Variants in R3HDM1 observed in about 807,000 individuals in gnomAD.
R3HDM1 encodes the protein R3H domain containing 1.
R3HDM1 carries 46 observed loss-of-function variants against 141.1 expected under a neutral mutation model. That is an observed-to-expected ratio of 0.33 (90% CI 0.26 to 0.42). The LOEUF (loss-of-function observed/expected upper bound fraction) is 0.42. R3HDM1 is among the 10% of genes least tolerant of loss of function. The pLI is 1.00. For synonymous variants in R3HDM1, 435 were observed against 472.9 expected, an observed-to-expected ratio of 0.92 and a Z score of 1.04; for missense variants, 1,184 against 1,368.3, an observed-to-expected ratio of 0.87 and a Z score of 2.12.
At chr2:135,563,732 T>C (rs1702219902) in intron 1 of R3HDM1, among the ~76,000 whole-genome samples, 1 of 152,188 alleles carries the variant, frequency 6.6e-6, no homozygotes, top group South Asian at 2.1e-4. Context: ...CTTAATTTTT[T>C]TGTGGTTACA....
chr2:135,550,072 G>T, intron 1 of R3HDM1: 1 of 984,570 alleles, frequency 1.0e-6, no homozygotes, highest in Non-Finnish European at 1.2e-6. Flanking sequence ...TCATGATCTG[G>T]AATGTCTTTT....
rs895637638 is a variant in R3HDM1, at chr2:135,617,468, G to C, written c.303+711G>C. Among the ~76,000 whole-genome samples the C allele has an allele frequency of 4.0e-5, 6 of 151,888 alleles. No individual in the cohort carries two copies. The East Asian group carries it at 1.2e-3, about 29-fold the overall frequency. On this transcript the variant is annotated intron_variant, in intron 5 of 26. Coordinates refer to ENST00000683871, the MANE Select transcript of R3HDM1 (RefSeq NM_001378107.1). ...AAGAGACCAGCCAAGACTTCTTCTT[G>C]ATAGGTTATTTAACGTAACCTGAAT...
chr2:135,708,632 AT>A (rs2075240876), intron 21 of R3HDM1, among the ~76,000 whole-genome samples: 1 of 152,170 alleles, frequency 6.6e-6, no homozygotes, highest in African/African-American at 2.4e-5. Flanking sequence ...TTCAGAGATA[AT>A]GTTATGACAA....
At chr2:135,637,416 A>T (rs1475308391) in intron 11 of R3HDM1, among the ~76,000 whole-genome samples, 1 of 152,142 alleles carries the variant, frequency 6.6e-6, no homozygotes, top group Non-Finnish European at 1.5e-5. Flanking sequence ...CCACTATGGG[A>T]GCACTGAGGT....
At chr2:135,553,534 G>A (rs574994181) in intron 1 of R3HDM1, among the ~76,000 whole-genome samples, 13 of 152,124 alleles carry the variant, frequency 8.5e-5, no homozygotes, top group Non-Finnish European at 1.2e-4. Context: ...TTTGAATGTC[G>A]GTCAAGCTGA....
chr2:135,636,764 GCTACAGATAGAAATTTC>G (rs2063295342), intron 11 of R3HDM1, among the ~76,000 whole-genome samples: 1 of 147,548 alleles, frequency 6.8e-6, no homozygotes, highest in African/African-American at 2.5e-5. Context: ...GTGTTAATCA[GCTACAGATAGAAATTTC>G]CTCTGTGTTA....
At chr2:135,566,298 A>G (rs571348518) in intron 1 of R3HDM1, among the ~76,000 whole-genome samples, 1 of 152,316 alleles carries the variant, frequency 6.6e-6, no homozygotes, top group Non-Finnish European at 1.5e-5. Flanking sequence ...TTTTGCTTTA[A>G]AAAAACTTGG....
intron 1 of R3HDM1, chr2:135,566,694 A>C: frequency 1.6e-5 from 15 of 967,290 alleles, no homozygotes; most frequent in Non-Finnish European, 1.8e-5. Context: ...TTGGTGAGCA[A>C]GAGGTTCAGA....
chr2:135,689,166 T>C (rs2071901113), intron 21 of R3HDM1, among the ~76,000 whole-genome samples: 1 of 152,192 alleles, frequency 6.6e-6, no homozygotes, highest in Non-Finnish European at 1.5e-5. Flanking sequence ...TGAAACCCTC[T>C]GGCCTACACT....
At chr2:135,562,947 C>T (rs571003513) in intron 1 of R3HDM1, among the ~76,000 whole-genome samples, 131 of 152,216 alleles carry the variant, frequency 8.6e-4, no homozygotes, top group African/African-American at 2.7e-3. Context: ...ATAACTAGGG[C>T]GACCACATTA....
intron 1 of R3HDM1, chr2:135,533,860 C>A: frequency 6.6e-6 from 3 of 457,548 alleles, no homozygotes; most frequent in Non-Finnish European, 8.6e-6. Flanking sequence ...GCAACAAGAG[C>A]GAAACTCCAT....
At chr2:135,603,782 T>A (rs1559217396) in intron 2 of R3HDM1, among the ~76,000 whole-genome samples, 1 of 152,184 alleles carries the variant, frequency 6.6e-6, no homozygotes, top group Non-Finnish European at 1.5e-5. Context: ...AATTTTTGTA[T>A]TTTTAGTAGA....
At chr2:135,584,735 GCCTA>G (rs919305868) in intron 1 of R3HDM1, among the ~76,000 whole-genome samples, 11 of 152,072 alleles carry the variant, frequency 7.2e-5, no homozygotes, top group Admixed American at 5.9e-4. Context: ...AGTTTATAAG[GCCTA>G]CCTAACAATT....
At chr2:135,570,663 A>G (rs1006915268) in intron 1 of R3HDM1, among the ~76,000 whole-genome samples, 1 of 152,264 alleles carries the variant, frequency 6.6e-6, no homozygotes, top group African/African-American at 2.4e-5. Context: ...CCAAAGTTGT[A>G]GAAATGAGCA....
chr2:135,630,721 G>A lies in R3HDM1; in HGVS notation c.498-997G>A, dbSNP rs75140980. ...TATTTTAGGGAATCATTAACCTCTT[G>A]GCCTCGTTTTCTTGATCTGTAAACT... On this transcript the variant is annotated intron_variant, in intron 7 of 26. Transcript: ENST00000683871. Among the ~76,000 whole-genome samples the A allele has an allele frequency of 3.7e-3, 567 of 152,170 alleles. 16 individuals carry two copies. The highest frequency in any genetic ancestry group is 0.031 in the East Asian group (159 of 5,190).
At chr2:135,626,205 G>T (rs77338665) in intron 7 of R3HDM1, among the ~76,000 whole-genome samples, 84 of 116,230 alleles carry the variant, frequency 7.2e-4, no homozygotes, top group African/African-American at 3.3e-3. Flanking sequence ...GCGTGCGTGC[G>T]TGCGTGCTTG....
At chr2:135,650,124 T>C in intron 17 of R3HDM1, 121 bp downstream of exon 17, 1 of 999,780 alleles carries the variant, frequency 1.0e-6, no homozygotes, top group Non-Finnish European at 1.2e-6. Context: ...TTTACATATG[T>C]ATCTAAACAA....
At chr2:135,617,314 G>A (rs1482378369) in intron 5 of R3HDM1, among the ~76,000 whole-genome samples, 3 of 149,410 alleles carry the variant, frequency 2.0e-5, no homozygotes, top group East Asian at 1.9e-4. Flanking sequence ...GCGACAGAGC[G>A]AGACTCCATC....
chr2:135,623,606 T>C (rs946346831), intron 7 of R3HDM1, among the ~76,000 whole-genome samples: 6 of 152,210 alleles, frequency 3.9e-5, no homozygotes, highest in African/African-American at 9.6e-5. Context: ...TGAAGGATTA[T>C]AGGTAAGGAT....
Sources: gnomAD v4.1 joint callset for allele counts (sites outside exome capture counted in the v4.1 genomes callset) on GRCh38, gnomAD v4.1.1 for gene constraint, MANE v1.5 for transcripts, NCBI Gene and HGNC (gene_info 2026-07-23, HGNC 2026-07-21) for gene names.